The following DGKB variants were observed in gnomAD, a reference collection of about 807,000 sequenced individuals.
DGKB encodes the protein diacylglycerol kinase beta.
Under a neutral mutation model 114.3 loss-of-function variants are expected in DGKB, and 67 were observed. The ratio of observed to expected loss-of-function variants is 0.59; its 90% CI spans 0.48 to 0.72. DGKB has a LOEUF of 0.72. Among genes scored for constraint, DGKB ranks in the 30% least tolerant of loss-of-function variants. The pLI is 0.00. For synonymous variants in DGKB, 398 were observed against 323.1 expected, an observed-to-expected ratio of 1.23 and a Z score of -2.49; for missense variants, 907 against 975.2, an observed-to-expected ratio of 0.93 and a Z score of 0.93.
chr7:14,378,125 C>T (rs908279819), intron 21 of DGKB, among the ~76,000 whole-genome samples: 2 of 152,092 alleles, frequency 1.3e-5, no homozygotes, highest in African/African-American at 2.4e-5. Flanking sequence ...TGTTACATTT[C>T]GTAACCATGA....
intron 17 of DGKB, among the ~76,000 whole-genome samples, chr7:14,596,433 G>A (rs1585024935): frequency 6.6e-6 from 1 of 152,086 alleles, no homozygotes; most frequent in East Asian, 1.9e-4. Context: ...ATCAAGACAT[G>A]TCTTCTGGCT....
chr7:14,217,625 AAGG>A (rs1308496388), intron 23 of DGKB, among the ~76,000 whole-genome samples: 5 of 152,072 alleles, frequency 3.3e-5, no homozygotes, highest in South Asian at 4.1e-4. Context: ...CGTACATGAG[AAGG>A]AGAAGAACAG....
intron 2 of DGKB, among the ~76,000 whole-genome samples, chr7:14,836,833 A>C (rs889536998): frequency 2.0e-5 from 3 of 152,220 alleles, no homozygotes; most frequent in African/African-American, 7.2e-5. Flanking sequence ...GGAGGCTGCC[A>C]ATTACACCAG....
At chr7:14,647,076 G>T (rs993967787) in intron 13 of DGKB, among the ~76,000 whole-genome samples, 4 of 151,694 alleles carry the variant, frequency 2.6e-5, no homozygotes, top group Non-Finnish European at 5.9e-5. Context: ...ATTAGACTAA[G>T]AAATAATAAA....
chr7:14,249,700 C>A (rs1209766155), intron 23 of DGKB, among the ~76,000 whole-genome samples: 1 of 152,008 alleles, frequency 6.6e-6, no homozygotes, highest in Non-Finnish European at 1.5e-5. Context: ...GCTTTCATTT[C>A]TGGTTTTAAT....
intron 1 of DGKB, among the ~76,000 whole-genome samples, chr7:14,969,062 T>G (rs188130867): frequency 6.6e-6 from 1 of 152,200 alleles, no homozygotes; most frequent in East Asian, 1.9e-4. Context: ...TGTAAAAGAG[T>G]TAACAAAAAC....
At chr7:14,747,237 G>T (rs10262183) in intron 4 of DGKB, among the ~76,000 whole-genome samples, 1 of 140,552 alleles carries the variant, frequency 7.1e-6, no homozygotes, top group African/African-American at 2.8e-5. Context: ...CTGTTGCTCA[G>T]ATTGGAGTAC....
At chr7:14,420,008 A>T (rs1243809564) in intron 21 of DGKB, among the ~76,000 whole-genome samples, 1 of 152,060 alleles carries the variant, frequency 6.6e-6, no homozygotes, top group African/African-American at 2.4e-5. Flanking sequence ...TTGGACAGAT[A>T]TGTGTGAGGC....
intron 3 of DGKB, among the ~76,000 whole-genome samples, chr7:14,754,220 T>A (rs1242985073): frequency 6.6e-6 from 1 of 152,028 alleles, no homozygotes; most frequent in Admixed American, 6.6e-5. Flanking sequence ...AATCCATGTT[T>A]TGACAAGCCC....
chr7:14,264,403 T>C (rs982273945), intron 23 of DGKB, among the ~76,000 whole-genome samples: 2 of 152,084 alleles, frequency 1.3e-5, no homozygotes, highest in South Asian at 2.1e-4. Context: ...AGTAGCCTGA[T>C]TGTGACACAC....
At chr7:14,175,987 T>G (rs573728140) in intron 25 of DGKB, 1 of 152,096 alleles carries the variant, frequency 6.6e-6, no homozygotes, top group Non-Finnish European at 1.5e-5. Context: ...TTTTTTATTT[T>G]TTTTAATTTT....
At chr7:14,789,055 G>C (rs1312334562) in intron 2 of DGKB, among the ~76,000 whole-genome samples, 1 of 151,846 alleles carries the variant, frequency 6.6e-6, no homozygotes, top group Non-Finnish European at 1.5e-5. Flanking sequence ...GCACAAAAAA[G>C]CTGCAGCTTA....
chr7:14,335,244 T>G (rs957479413), intron 23 of DGKB, among the ~76,000 whole-genome samples: 1 of 152,076 alleles, frequency 6.6e-6, no homozygotes, highest in Non-Finnish European at 1.5e-5. Context: ...ATCTCATACC[T>G]TTGGACTATG....
chr7:14,710,682 G>A (rs1386576909), intron 6 of DGKB, among the ~76,000 whole-genome samples: 4 of 151,858 alleles, frequency 2.6e-5, no homozygotes, highest in South Asian at 2.1e-4. Flanking sequence ...CTTTTATTTC[G>A]CTAAGAATTT....
At chr7:14,961,227 T>C (rs887122710) in intron 1 of DGKB, among the ~76,000 whole-genome samples, 5 of 152,180 alleles carry the variant, frequency 3.3e-5, no homozygotes, top group African/African-American at 1.2e-4. Flanking sequence ...AAGACTTGTG[T>C]GCATGAAGCT....
intron 17 of DGKB, among the ~76,000 whole-genome samples, chr7:14,595,926 T>C (rs1802503699): frequency 6.6e-6 from 1 of 152,062 alleles, no homozygotes. Context: ...TGAAAATCAA[T>C]ATTGGGTTTT....
Position 14,574,242 on chromosome 7 carries a change from A to G in DGKB, c.1740T>C (p.Ser580=). The G allele has an allele frequency of 6.2e-7, 1 of 1,613,010 alleles. No individual in the cohort carries two copies. The change falls in exon 20 of 26, where the codon AGT becomes AGC. Residue 580 remains serine (S), a synonymous_variant. Coordinates refer to ENST00000402815, the MANE Select transcript of DGKB (RefSeq NM_001350709.2). ...CAATGGAAAAGTAATTATTGATGATACTGTAAGGCACTGGGTCTCCTTTCT... is the reference window on the plus strand; with the variant it reads ...CAATGGAAAAGTAATTATTGATGATGCTGTAAGGCACTGGGTCTCCTTTCT... The part of the protein sequence containing the change: ...KDEKGDPVPY[S]IINNYFSIGV...
chr7:14,450,974 A>G (rs1339695842), intron 21 of DGKB, among the ~76,000 whole-genome samples: 1 of 152,104 alleles, frequency 6.6e-6, no homozygotes, highest in Non-Finnish European at 1.5e-5. Context: ...GCTATCAGTC[A>G]GATGCCCAAA....
chr7:14,931,863 A>G (rs984619037), intron 1 of DGKB, among the ~76,000 whole-genome samples: 20 of 151,996 alleles, frequency 1.3e-4, no homozygotes, highest in African/African-American at 4.8e-4. Flanking sequence ...GGGTGGGGAT[A>G]CCTGGTTTCA....
Sources: gnomAD v4.1 joint callset for allele counts (sites outside exome capture counted in the v4.1 genomes callset) on GRCh38, gnomAD v4.1.1 for gene constraint, MANE v1.5 for transcripts, NCBI Gene and HGNC (gene_info 2026-07-23, HGNC 2026-07-21) for gene names.